Variants in COL9A1 observed in about 807,000 individuals in gnomAD.
COL9A1 encodes the protein collagen type IX alpha 1 chain.
A neutral mutation model predicts 142.6 loss-of-function variants in COL9A1; 104 were observed. The ratio of observed to expected loss-of-function variants is 0.73; its 90% CI spans 0.62 to 0.86. The LOEUF is 0.86. Ranked by LOEUF, COL9A1 falls within the 40% of genes least tolerant of loss-of-function variation. COL9A1 has a pLI of 0.00. For synonymous variants in COL9A1, 466 were observed against 396.0 expected (o/e 1.18, Z -2.10); for missense variants, 1,210 against 1,176.6 (o/e 1.03, Z -0.42).
rs58525634 is a variant in COL9A1 at position 70,220,389 on chromosome 6, GGTGTGTGT to G, written c.2582-3316_2582-3309del. Among the ~76,000 whole-genome samples, 686 of 148,544 alleles carry G rather than the reference GGTGTGTGT, an allele frequency of 4.6e-3. 2 individuals carry two copies. The highest frequency in any genetic ancestry group is 7.2e-3 in the African/African-American group (289 of 40,040). ...GGAAGGGTGTGGAGGGGTGTGGCAG[GGTGTGTGT>G]GTGTGTGTGTGTGTGTGTGTGGTCA... On this transcript the variant is annotated intron_variant, in intron 37 of 37. Coordinates refer to ENST00000357250, the MANE Select transcript of COL9A1 (RefSeq NM_001851.6).
intron 20 of COL9A1, among the ~76,000 whole-genome samples, chr6:70,260,413 G>T (rs1771595260): frequency 6.6e-6 from 1 of 151,880 alleles, no homozygotes; most frequent in South Asian, 2.1e-4. Context: ...CGTGGTGGCA[G>T]GCGCCTGTAA....
At chr6:70,241,629 G>C (rs1322830840) in intron 30 of COL9A1, among the ~76,000 whole-genome samples, 175 bp from the exon 31 acceptor site, 1 of 152,068 alleles carries the variant, frequency 6.6e-6, no homozygotes, top group African/African-American at 2.4e-5. Context: ...TCCACATTAG[G>C]TCACAATTTT....
intron 28 of COL9A1, among the ~76,000 whole-genome samples, chr6:70,248,365 C>T (rs765600462): frequency 3.9e-5 from 6 of 152,170 alleles, no homozygotes; most frequent in Non-Finnish European, 7.3e-5. Context: ...AAGGAAATAG[C>T]ACTTAATTTC....
intron 37 of COL9A1, among the ~76,000 whole-genome samples, chr6:70,224,086 G>T (rs1056540728): frequency 3.9e-5 from 6 of 152,170 alleles, no homozygotes; most frequent in African/African-American, 1.4e-4. Context: ...GGATCAGGGG[G>T]TCCACAAAAT....
At chr6:70,265,058 C>A (rs1771926310) in intron 18 of COL9A1, among the ~76,000 whole-genome samples, 1 of 151,944 alleles carries the variant, frequency 6.6e-6, no homozygotes, top group South Asian at 2.1e-4. Context: ...TTAAGTGACA[C>A]TAAAATGTAA....
At chr6:70,222,972 T>C (rs1768983837) in intron 37 of COL9A1, 1 of 152,180 alleles carries the variant, frequency 6.6e-6, no homozygotes, top group Non-Finnish European at 1.5e-5. Context: ...CCTAGTCACA[T>C]TCAAGCTCTA....
chr6:70,258,392 T>G (rs937817824), intron 20 of COL9A1, among the ~76,000 whole-genome samples: 3 of 152,108 alleles, frequency 2.0e-5, no homozygotes, highest in Non-Finnish European at 4.4e-5. Context: ...GTGGACGGCA[T>G]GTGTAGTAAG....
At chr6:70,271,806 G>T in intron 13 of COL9A1, 98 bp from the exon 14 acceptor site, 1 of 1,262,236 alleles carries the variant, frequency 7.9e-7, no homozygotes, top group Non-Finnish European at 1.1e-6. Context: ...TTACATTTCT[G>T]TATTAGCTTT....
At chr6:70,263,413 A>G in intron 18 of COL9A1, 116 bp from the exon 19 acceptor site, 1 of 763,680 alleles carries the variant, frequency 1.3e-6, no homozygotes, top group South Asian at 2.0e-5. Flanking sequence ...CTCCTGAATT[A>G]TTCTACTTTC....
intron 33 of COL9A1, among the ~76,000 whole-genome samples, chr6:70,237,378 C>T (rs1769976504): frequency 6.6e-6 from 1 of 152,186 alleles, no homozygotes; most frequent in African/African-American, 2.4e-5. Flanking sequence ...CAGACATCGC[C>T]TACTTCACAA....
At chr6:70,227,387 C>T in intron 36 of COL9A1, among the ~76,000 whole-genome samples, 1 of 132,296 alleles carries the variant, frequency 7.6e-6, no homozygotes. Context: ...TGAAAAATTC[C>T]CTGACTTCAC....
chr6:70,236,338 TA>T (rs1291583602), intron 33 of COL9A1, among the ~76,000 whole-genome samples: 2 of 152,090 alleles, frequency 1.3e-5, no homozygotes, highest in African/African-American at 4.8e-5. Flanking sequence ...GAGACCAAAT[TA>T]ATTCACTTTT....
intron 10 of COL9A1, chr6:70,275,145 TACCTC>T: frequency 4.0e-6 from 1 of 249,254 alleles, no homozygotes; most frequent in Non-Finnish European, 7.8e-6. Flanking sequence ...CAGGTTTATT[TACCTC>T]CTTTACTTCA....
At chr6:70,221,495 A>G (rs1768877979) in intron 37 of COL9A1, among the ~76,000 whole-genome samples, 2 of 152,220 alleles carry the variant, frequency 1.3e-5, no homozygotes, top group African/African-American at 4.8e-5. Flanking sequence ...AACTTAGCCC[A>G]GAACTGAATG....
intron 24 of COL9A1, chr6:70,254,735 C>A: frequency 1.5e-6 from 1 of 675,696 alleles, no homozygotes; most frequent in Non-Finnish European, 2.6e-6. Context: ...TCTCTCTCAA[C>A]TTACTTTCAT....
intron 1 of COL9A1, 132 bp from the exon 2 acceptor site, chr6:70,302,206 T>C: frequency 7.3e-6 from 1 of 136,244 alleles, no homozygotes; most frequent in Non-Finnish European, 1.2e-5. Flanking sequence ...TTTCATTTCT[T>C]TTTTTTTTTT....
intron 17 of COL9A1, 82 bp downstream of exon 17, chr6:70,268,722 A>C: frequency 7.7e-7 from 1 of 1,291,984 alleles, no homozygotes; most frequent in African/African-American, 1.4e-5. Context: ...GGGTCTCTGC[A>C]CCAGGAAGGC....
intron 28 of COL9A1, among the ~76,000 whole-genome samples, chr6:70,247,351 A>C (rs1438537111): frequency 6.6e-6 from 1 of 152,238 alleles, no homozygotes; most frequent in Non-Finnish European, 1.5e-5. Flanking sequence ...ATCACAAAAA[A>C]TAACAGATTT....
chr6:70,268,797 C>G lies in COL9A1; in HGVS notation c.1287+7G>C, dbSNP rs750833333. The G allele has an allele frequency of 8.1e-6, 13 of 1,612,732 alleles. No homozygotes were observed. The highest frequency in any genetic ancestry group is 1.1e-5 in the South Asian group (1 of 90,946). On this transcript the variant is annotated splice_region_variant and intron_variant, in intron 17 of 37. Coordinates refer to ENST00000357250, the MANE Select transcript of COL9A1 (RefSeq NM_001851.6). ...TACTCTTAAAATACTGGAAGTTATT[C>G]TCTTACCCTCATGCCTGGTAGGCCT...
Sources: gnomAD v4.1 joint callset for allele counts (sites outside exome capture counted in the v4.1 genomes callset) on GRCh38, gnomAD v4.1.1 for gene constraint, MANE v1.5 for transcripts, NCBI Gene and HGNC (gene_info 2026-07-23, HGNC 2026-07-21) for gene names.